The following ASAH2 variants were observed in gnomAD, a reference collection of about 807,000 sequenced individuals.
ASAH2 encodes the protein N-acylsphingosine amidohydrolase 2, also known as neutral ceramidase.
In ASAH2, 58 loss-of-function variants were observed where a neutral mutation model predicts 82.9. The observed-to-expected ratio is 0.70, with a 90% CI of 0.57 to 0.87. The LOEUF (loss-of-function observed/expected upper bound fraction) is 0.87, where lower values mean the gene tolerates loss of function less well. Among genes scored for constraint, ASAH2 ranks in the 40% least tolerant of loss-of-function variants. The pLI, the probability that ASAH2 is intolerant of heterozygous loss-of-function variation, is 0.00. For missense variants in ASAH2, 779 were observed against 834.0 expected (o/e 0.93, Z 0.81); for synonymous variants, 276 against 289.7 (o/e 0.95, Z 0.48).
chr10:50,234,643 C>A lies in ASAH2; in HGVS notation c.688-91G>T, dbSNP rs1398514629. The A allele has an allele frequency of 1.9e-6, 3 of 1,575,108 alleles. No individual in the cohort carries two copies. In the Admixed American group the frequency reaches 5.1e-5, roughly 27 times the overall value. On this transcript the variant is annotated intron_variant, in intron 5 of 20. Transcript: ENST00000682911. The stretch of plus-strand genomic sequence containing the variant: ...AATATAAACAGAAGAGCCCTGTGAA[C>A]AATTTCCTTTGTCTCTAATGGGTCC...
At chr10:50,230,131 C>T (rs1845986454) in intron 7 of ASAH2, among the ~76,000 whole-genome samples, 1 of 152,092 alleles carries the variant, frequency 6.6e-6, no homozygotes, top group Non-Finnish European at 1.5e-5. Context: ...TATTTCAAGG[C>T]CAGGGAATAC....
At chr10:50,248,357 C>G in intron 2 of ASAH2, 127 bp downstream of exon 2, 1 of 1,158,560 alleles carries the variant, frequency 8.6e-7, no homozygotes. Context: ...AGGGAGACGG[C>G]TATTCCAGGC....
At chr10:50,241,053 C>A (rs540470573) in intron 4 of ASAH2, among the ~76,000 whole-genome samples, 284 of 152,348 alleles carry the variant, frequency 1.9e-3, no homozygotes, top group African/African-American at 6.6e-3. Context: ...CTGAGGGAAT[C>A]TAGCTGCTGT....
intron 12 of ASAH2, among the ~76,000 whole-genome samples, chr10:50,207,721 C>T (rs1845341831): frequency 6.6e-6 from 1 of 151,472 alleles, no homozygotes; most frequent in Non-Finnish European, 1.5e-5. Flanking sequence ...GATTGCTTTA[C>T]TGCTGAATTC....
At chr10:50,201,378 G>A (rs1029424694) in intron 16 of ASAH2, among the ~76,000 whole-genome samples, 4 of 152,058 alleles carry the variant, frequency 2.6e-5, no homozygotes, top group Admixed American at 2.0e-4. Flanking sequence ...GCCCACTTGG[G>A]CTTCTGGAGT....
rs10508920 is a variant in ASAH2 at position 50,250,650 on chromosome 10, C to G, written c.-37+745G>C. 6.0e-3 allele frequency among the ~76,000 whole-genome samples: 915 copies of G among 152,268 alleles called. 14 individuals are homozygous for G. The highest frequency in any genetic ancestry group is 0.052 in the East Asian group (270 of 5,180). Reference sequence around the variant, plus strand: ...TGGTTCTCTAAGCCTTCCTACTAGCCAAGATGACTGACAGCTGGACCTCCC... The same window carrying G: ...TGGTTCTCTAAGCCTTCCTACTAGCGAAGATGACTGACAGCTGGACCTCCC... On this transcript the variant is annotated intron_variant, in intron 1 of 20. Transcript: ENST00000682911.
intron 8 of ASAH2, among the ~76,000 whole-genome samples, chr10:50,215,621 G>A (rs1429853780): frequency 6.6e-6 from 1 of 152,090 alleles, no homozygotes; most frequent in Non-Finnish European, 1.5e-5. Context: ...GATCTGTGGT[G>A]TTATTTCTGA....
At chr10:50,251,035 T>G (rs1353148521) in intron 1 of ASAH2, among the ~76,000 whole-genome samples, 1 of 152,210 alleles carries the variant, frequency 6.6e-6, no homozygotes, top group Non-Finnish European at 1.5e-5. Context: ...AAAATCTGAA[T>G]TTGAATGTTA....
Position 50,204,882 on chromosome 10 carries a change from G to A in ASAH2, c.1604C>T (p.Thr535Ile). 1.9e-6 allele frequency: 3 copies of A among 1,611,560 alleles called. No homozygotes were observed. Among genetic ancestry groups the A allele is most frequent in the Non-Finnish European group, 1.7e-6 (2 of 1,178,542 alleles). The change falls in exon 14 of 21, where the codon ACT becomes ATT. Residue 535 changes from threonine (T) to isoleucine (I), a missense_variant. Around this residue, in one of 3 missense-constraint regions of ASAH2, gnomAD observed 759 missense variants for 755.2 expected, o/e 1.00. Transcript: ENST00000682911. ...QIITLGSLAI[T>I]AIPGEFTTMS... ...TTACGTAAACTCCCCGGGGATGGCA[G>A]TTATGGCCAAGGACCCAAGGGTAAT... is the stretch of plus-strand genomic sequence containing the variant.
At chr10:50,207,521 T>C in intron 12 of ASAH2, among the ~76,000 whole-genome samples, 1 of 150,916 alleles carries the variant, frequency 6.6e-6, no homozygotes, top group Non-Finnish European at 1.5e-5. Context: ...AAAAGAATTA[T>C]AAAGGAAAAC....
chr10:50,194,913 A>G (rs1176674868), intron 18 of ASAH2, among the ~76,000 whole-genome samples: 6 of 151,780 alleles, frequency 4.0e-5, no homozygotes, highest in South Asian at 2.1e-4. Flanking sequence ...AGATTTAAAT[A>G]TAAAACCTGA....
At chr10:50,245,497 C>T (rs745842176) in intron 2 of ASAH2, 43 bp from the exon 3 acceptor site, 1 of 1,543,154 alleles carries the variant, frequency 6.5e-7, no homozygotes, top group Non-Finnish European at 8.8e-7. Flanking sequence ...TTTCAGCCCT[C>T]TTATTTGTCA....
chr10:50,201,886 A>T (rs1389850507), intron 16 of ASAH2, among the ~76,000 whole-genome samples: 2 of 152,160 alleles, frequency 1.3e-5, no homozygotes, highest in Admixed American at 1.3e-4. Flanking sequence ...AATAAGAGTA[A>T]AAGACATTTC....
At chr10:50,219,234 A>G (rs978656306) in intron 7 of ASAH2, among the ~76,000 whole-genome samples, 2 of 152,250 alleles carry the variant, frequency 1.3e-5, no homozygotes, top group Admixed American at 1.3e-4. Context: ...GGCATAATTC[A>G]GTATATCCTT....
intron 4 of ASAH2, 27 bp downstream of exon 4, chr10:50,243,175 A>G (rs1240577009): frequency 6.2e-7 from 1 of 1,610,922 alleles, no homozygotes; most frequent in East Asian, 2.2e-5. Context: ...TCATTTCTTC[A>G]TTCATTTCTC....
chr10:50,223,402 G>T (rs1845797951), intron 7 of ASAH2, among the ~76,000 whole-genome samples: 1 of 152,156 alleles, frequency 6.6e-6, no homozygotes. Context: ...GTTAAATCCA[G>T]CCTCTGTGCA....
Position 50,218,593 on chromosome 10 carries a change from T to A in ASAH2, c.931A>T (p.Asn311Tyr). Residue 311 changes from asparagine to tyrosine, a missense_variant, in exon 8 of 21, where the codon AAC becomes TAC. Asn to Tyr is a moderately radical substitution (Grantham distance 143). This residue lies in a region of ASAH2 where 759 missense variants were observed against 755.2 expected (regional missense o/e 1.00). Transcript: ENST00000682911. ...ACATTGTCACTGTTTACAAGATGGT[T>A]ACTGTTGTTCATGCTGACCGGGTGG... ...AIHPVSMNNSNHLVNSDNVGY... is the reference protein window; with the variant it reads ...AIHPVSMNNSYHLVNSDNVGY... The A allele has an allele frequency of 3.1e-6, 5 of 1,613,812 alleles. No homozygotes were observed. Among genetic ancestry groups the A allele is most frequent in the Non-Finnish European group, 4.2e-6 (5 of 1,179,762 alleles).
At chr10:50,193,640 G>A (rs1453752549) in intron 18 of ASAH2, among the ~76,000 whole-genome samples, 1 of 150,826 alleles carries the variant, frequency 6.6e-6, no homozygotes, top group Non-Finnish European at 1.5e-5. Context: ...GGGATGAGGG[G>A]TGCTGGGGGA....
chr10:50,246,864 A>C (rs927054399), intron 2 of ASAH2, among the ~76,000 whole-genome samples: 36 of 152,216 alleles, frequency 2.4e-4, no homozygotes. Context: ...TGCCAACTAA[A>C]GCCAAACCTA....
Sources: gnomAD v4.1 joint callset for allele counts (sites outside exome capture counted in the v4.1 genomes callset) on GRCh38, gnomAD v4.1.1 for gene constraint, gnomAD v4.1.1 regional missense constraint, MANE v1.5 for transcripts, NCBI Gene and HGNC (gene_info 2026-07-23, HGNC 2026-07-21) for gene names.